HECW2: variants seen among roughly 807,000 people sequenced by gnomAD.
The protein encoded by HECW2 is HECT, C2 and WW domain containing E3 ubiquitin protein ligase 2, also known as E3 ubiquitin-protein ligase HECW2.
HECW2 carries 61 observed loss-of-function variants against 175.2 expected under a neutral mutation model. The observed-to-expected ratio is 0.35, with a 90% CI of 0.28 to 0.43. The LOEUF is 0.43. Among genes scored for constraint, HECW2 ranks in the 20% least tolerant of loss-of-function variants. HECW2 has a pLI of 1.00. For missense variants in HECW2, 1,524 were observed against 2,000.5 expected (o/e 0.76, Z 4.54); for synonymous variants, 671 against 731.0 (o/e 0.92, Z 1.32).
At position 196,579,024 on chromosome 2, in the gene HECW2, G is replaced by A. The variant is rs370477490; in HGVS notation, c.-36+14484C>T. On this transcript the variant is annotated intron_variant, in intron 1 of 28. Transcript: ENST00000644978. ...ATAAAGCAATTATTTAAAAAGTGTA[G>A]TCACGGGTTTATAATGTATAAAGAT... Among the ~76,000 whole-genome samples, 6 of 152,246 alleles carry A rather than the reference G, an allele frequency of 3.9e-5. No homozygotes were observed. The South Asian group carries it at 6.2e-4, about 16-fold the overall frequency.
chr2:196,403,312 T>C (rs1359011395), intron 2 of HECW2, among the ~76,000 whole-genome samples: 1 of 152,200 alleles, frequency 6.6e-6, no homozygotes. Context: ...AGATACATGT[T>C]CAGGAACATG....
chr2:196,277,532 T>C (rs990082667), intron 15 of HECW2, among the ~76,000 whole-genome samples: 2 of 152,160 alleles, frequency 1.3e-5, no homozygotes, highest in Non-Finnish European at 2.9e-5. Context: ...TTGGTGGGAC[T>C]GTAAATTAGC....
intron 2 of HECW2, among the ~76,000 whole-genome samples, chr2:196,346,021 T>C (rs915628072): frequency 3.3e-5 from 5 of 152,232 alleles, no homozygotes; most frequent in African/African-American, 4.8e-5. Flanking sequence ...AAAGTAGTTA[T>C]GTACATGGGA....
chr2:196,528,667 C>T lies in HECW2; in HGVS notation c.-36+64841G>A, dbSNP rs138925121. On this transcript the variant is annotated intron_variant, in intron 1 of 28. Transcript: ENST00000644978. Reference sequence around the variant, plus strand: ...CATCCAAGGCACTGTCAGCACATCACTGTTTCATTGTTCTGCCCATTCTTC... The same window carrying T: ...CATCCAAGGCACTGTCAGCACATCATTGTTTCATTGTTCTGCCCATTCTTC... Among the ~76,000 whole-genome samples the T allele has an allele frequency of 5.0e-3, 766 of 152,338 alleles. 6 individuals carry two copies. Among genetic ancestry groups the T allele is most frequent in the Middle Eastern group, 0.014 (4 of 294 alleles).
chr2:196,278,688 T>C (rs1479041938), intron 14 of HECW2, 26 bp from the exon 15 acceptor site: 1 of 1,613,304 alleles, frequency 6.2e-7, no homozygotes, highest in Non-Finnish European at 8.5e-7. Context: ...CTGAGTCAAA[T>C]ACATGCCGCT....
At chr2:196,469,597 T>C (rs1697113439) in intron 1 of HECW2, among the ~76,000 whole-genome samples, 1 of 152,068 alleles carries the variant, frequency 6.6e-6, no homozygotes, top group East Asian at 1.9e-4. Context: ...TGTTTTATGA[T>C]CTTGAGATAG....
chr2:196,476,104 G>A (rs73989940), intron 1 of HECW2, among the ~76,000 whole-genome samples: 5,069 of 151,964 alleles, frequency 0.033, 279 homozygotes, highest in African/African-American at 0.12. Context: ...TATCATTTTA[G>A]CAAGCTGTAT....
intron 2 of HECW2, among the ~76,000 whole-genome samples, chr2:196,430,350 T>C (rs547442166): frequency 1.3e-3 from 197 of 152,000 alleles, no homozygotes; most frequent in Middle Eastern, 6.8e-3. Context: ...TTCTACCACA[T>C]AGAATCCTTA....
At chr2:196,323,582 G>GA (rs1692027687) in intron 6 of HECW2, among the ~76,000 whole-genome samples, 3 of 152,168 alleles carry the variant, frequency 2.0e-5, no homozygotes, top group African/African-American at 7.2e-5. Flanking sequence ...CTGCTTAATG[G>GA]AAAAAAGTAC....
At chr2:196,449,628 C>A (rs569424177) in intron 1 of HECW2, among the ~76,000 whole-genome samples, 40 of 152,212 alleles carry the variant, frequency 2.6e-4, no homozygotes, top group African/African-American at 8.4e-4. Flanking sequence ...AGATTAAAAT[C>A]TATTCAAAGA....
chr2:196,412,202 G>C (rs1350051504), intron 2 of HECW2, among the ~76,000 whole-genome samples: 1 of 152,154 alleles, frequency 6.6e-6, no homozygotes, highest in Non-Finnish European at 1.5e-5. Context: ...GAGGCTAGAA[G>C]TCCAAAATCA....
At chr2:196,446,590 T>C (rs148905232) in intron 1 of HECW2, among the ~76,000 whole-genome samples, 3 of 152,374 alleles carry the variant, frequency 2.0e-5, no homozygotes, top group African/African-American at 7.2e-5. Flanking sequence ...TACAAACTAT[T>C]TGGCACCACA....
intron 12 of HECW2, 43 bp downstream of exon 12, chr2:196,307,087 T>C (rs1220154990): frequency 1.4e-6 from 2 of 1,381,620 alleles, no homozygotes; most frequent in Non-Finnish European, 2.1e-6. Flanking sequence ...TGCTTCTTTT[T>C]CCACTTTTAT....
chr2:196,459,755 TG>T (rs1169379645), intron 1 of HECW2, among the ~76,000 whole-genome samples: 1 of 151,900 alleles, frequency 6.6e-6, no homozygotes. Flanking sequence ...GACCACAGAG[TG>T]GTTCTGGCCA....
At chr2:196,541,505 C>T (rs1356282662) in intron 1 of HECW2, among the ~76,000 whole-genome samples, 1 of 152,062 alleles carries the variant, frequency 6.6e-6, no homozygotes, top group African/African-American at 2.4e-5. Context: ...TCCCAAGAGC[C>T]TTTAAGTCCT....
intron 10 of HECW2, among the ~76,000 whole-genome samples, chr2:196,311,343 C>T (rs1691489740): frequency 6.6e-6 from 1 of 152,172 alleles, no homozygotes; most frequent in South Asian, 2.1e-4. Context: ...CAGTTATCTA[C>T]ACTTTTAACA....
chr2:196,194,861 T>G lies in HECW2; in HGVS notation c.*6416A>C, dbSNP rs536779239. On this transcript the variant is annotated 3_prime_UTR_variant, in exon 29 of 29. Transcript: ENST00000644978. ...ATGACTGAGGTTGGTGAAGAGAAAT[T>G]AAAAGCTTAAAAAAATACACCACCT... 1.1e-4 allele frequency: 16 copies of G among 152,274 alleles called. No homozygotes were observed. In the South Asian group the frequency reaches 3.3e-3, roughly 32 times the overall value. The allele number at this position is 152,274 out of a possible 1,614,324, so 9.4% of individuals were successfully genotyped here.
intron 19 of HECW2, among the ~76,000 whole-genome samples, chr2:196,252,199 T>TAATAATAATAATAATAAC (rs1688881581): frequency 7.1e-6 from 1 of 141,404 alleles, no homozygotes; most frequent in Non-Finnish European, 1.6e-5. Flanking sequence ...ATAATAATAA[T>TAATAATAATAATAATAAC]AATAATAATA....
chr2:196,336,117 G>A (rs1202478482), intron 3 of HECW2, among the ~76,000 whole-genome samples: 1 of 152,174 alleles, frequency 6.6e-6, no homozygotes, highest in Non-Finnish European at 1.5e-5. Flanking sequence ...AGGCACAGAT[G>A]AAGCATGCTG....
Sources: gnomAD v4.1 joint callset for allele counts (sites outside exome capture counted in the v4.1 genomes callset) on GRCh38, gnomAD v4.1.1 for gene constraint, MANE v1.5 for transcripts, NCBI Gene and HGNC (gene_info 2026-07-23, HGNC 2026-07-21) for gene names.